The following MOSPD2 variants were observed in gnomAD, a reference collection of about 807,000 sequenced individuals.
MOSPD2 encodes motile sperm domain containing 2, also known as motile sperm domain-containing protein 2.
In MOSPD2, 5 loss-of-function variants were observed where a neutral mutation model predicts 41.7. That is an observed-to-expected ratio of 0.12 (90% CI 0.06 to 0.25). The LOEUF (loss-of-function observed/expected upper bound fraction) is 0.25, where lower values mean the gene tolerates loss of function less well. Among genes scored for constraint, MOSPD2 ranks in the 10% least tolerant of loss-of-function variants. The probability of loss-of-function intolerance (pLI) is 1.00; values close to 1 mark genes in which losing one functional copy is unlikely to be tolerated. For missense variants in MOSPD2, 282 were observed against 375.2 expected (o/e 0.75, Z 2.05); for synonymous variants, 115 against 126.9 (o/e 0.91, Z 0.63).
chrX:14,916,263 C>T lies in MOSPD2; in HGVS notation c.1253C>T (p.Thr418Ile), dbSNP rs142203054. The T allele has an allele frequency of 4.1e-5, 50 of 1,210,450 alleles. No individual in the cohort carries two copies. The highest frequency in any genetic ancestry group is 5.0e-5 in the Non-Finnish European group (45 of 895,257). Residue 418 changes from threonine (T) to isoleucine (I), a missense_variant, in exon 13 of 15, where the codon ACA becomes ATA. Transcript: ENST00000380492. ...MAAEMEQSSG[T>I]GPAELTQFWK... Reference sequence around the variant, plus strand: ...GCAGAAATGGAACAGTCATCTGGCACAGGCCCAGCAGAATTAACTCAGTTT... The same window carrying T: ...GCAGAAATGGAACAGTCATCTGGCATAGGCCCAGCAGAATTAACTCAGTTT...
At chrX:14,898,448 T>A (rs1397039974) in intron 5 of MOSPD2, among the ~76,000 whole-genome samples, 1 of 111,761 alleles carries the variant, frequency 8.9e-6, no homozygotes, top group Non-Finnish European at 1.9e-5. Context: ...AGAGCTTTCT[T>A]GCAGTGGTAG....
At chrX:14,879,989 T>C (rs954670923) in intron 2 of MOSPD2, among the ~76,000 whole-genome samples, 1 of 110,394 alleles carries the variant, frequency 9.1e-6, no homozygotes, top group Non-Finnish European at 1.9e-5. Context: ...TTCTTGGCCC[T>C]TATTTCTTCC....
At chrX:14,878,112 G>C (rs2092524650) in intron 2 of MOSPD2, among the ~76,000 whole-genome samples, 1 of 112,325 alleles carries the variant, frequency 8.9e-6, no homozygotes, top group Non-Finnish European at 1.9e-5. Flanking sequence ...ATAAATAAAA[G>C]ATAGTTTTCT....
At chrX:14,873,975 A>G (rs2092513710) in intron 2 of MOSPD2, 4 of 415,299 alleles carry the variant, frequency 9.6e-6, no homozygotes, top group Admixed American at 4.2e-5. Context: ...TTAAAGGGTT[A>G]ATGTAAGTTG....
At chrX:14,885,428 C>T (rs1269499782) in intron 2 of MOSPD2, 2 of 112,038 alleles carry the variant, frequency 1.8e-5, no homozygotes, top group Non-Finnish European at 3.8e-5. Context: ...TTAAAGAGGA[C>T]ATCACATTGG....
chrX:14,875,661 G>T (rs749573490), intron 2 of MOSPD2, among the ~76,000 whole-genome samples: 1 of 111,797 alleles, frequency 8.9e-6, no homozygotes, highest in African/African-American at 3.3e-5. Flanking sequence ...TAGCCACACT[G>T]CCTTGTGTTC....
chrX:14,896,494 G>A (rs1455890187), intron 4 of MOSPD2, among the ~76,000 whole-genome samples: 1 of 111,558 alleles, frequency 9.0e-6, no homozygotes, highest in Non-Finnish European at 1.9e-5. Context: ...TTCCTTCTCT[G>A]CCTCCTCCAG....
chrX:14,881,284 G>T, intron 2 of MOSPD2, among the ~76,000 whole-genome samples: 1 of 104,728 alleles, frequency 9.5e-6, no homozygotes, highest in Non-Finnish European at 2.0e-5. Flanking sequence ...CCTTCATTTT[G>T]TTAGGCTGAA....
chrX:14,922,271 TTAATA>T lies in MOSPD2; in HGVS notation c.*2464_*2468del, dbSNP rs1304722957. On this transcript the variant is annotated 3_prime_UTR_variant, in exon 15 of 15. Transcript: ENST00000380492. ...TGATTAAAAGAACATGTTTTCTATT[TTAATA>T]TGTTTTAGAAAAATAATTACATTTA... 8.9e-6 allele frequency: 1 copy of T among 111,938 alleles called. No individual in the cohort carries two copies. The highest frequency in any genetic ancestry group is 1.9e-5 in the Non-Finnish European group (1 of 53,260). 9.2% of individuals were successfully genotyped at this position (111,938 alleles called of 1,213,427 possible).
intron 2 of MOSPD2, among the ~76,000 whole-genome samples, chrX:14,877,372 C>T (rs889859385): frequency 1.8e-5 from 2 of 110,251 alleles, no homozygotes; most frequent in Admixed American, 9.6e-5. Context: ...GACGGAGTTT[C>T]GCTCTTGTTG....
intron 2 of MOSPD2, among the ~76,000 whole-genome samples, chrX:14,887,548 A>C (rs1487633830): frequency 1.8e-5 from 2 of 111,753 alleles, no homozygotes; most frequent in African/African-American, 6.5e-5. Flanking sequence ...GAATGTGGCC[A>C]GAAATTTTCT....
At chrX:14,890,788 C>G (rs778204286) in intron 2 of MOSPD2, among the ~76,000 whole-genome samples, 147 of 111,507 alleles carry the variant, frequency 1.3e-3, no homozygotes, top group African/African-American at 4.7e-3. Flanking sequence ...CTCTGAGGAC[C>G]TGAAATAAGG....
intron 3 of MOSPD2, among the ~76,000 whole-genome samples, chrX:14,894,662 G>A (rs1203654813): frequency 9.1e-6 from 1 of 109,931 alleles, no homozygotes; most frequent in Non-Finnish European, 1.9e-5. Context: ...TCACTGTGTT[G>A]CCCAGGCTGG....
rs2092601744 is a variant in MOSPD2, at chrX:14,917,165, C to T, written c.1316+839C>T. Among the ~76,000 whole-genome samples the T allele has an allele frequency of 5.4e-5, 6 of 111,754 alleles. No individual in the cohort carries two copies. In the South Asian group the frequency reaches 1.9e-3, roughly 35 times the overall value. ...CCATCCCCCAAAAATGATCTGGCCCCAAATGCCCATAGTGTCGAGGTGGAG... is the reference window on the plus strand; with the variant it reads ...CCATCCCCCAAAAATGATCTGGCCCTAAATGCCCATAGTGTCGAGGTGGAG... On this transcript the variant is annotated intron_variant, in intron 13 of 14. Transcript: ENST00000380492.
rs1288703409 is a variant in MOSPD2 at position 14,873,720 on chromosome X, C to G, written c.41C>G (p.Ser14Cys). The G allele has an allele frequency of 8.3e-7, 1 of 1,209,483 alleles. No homozygotes were observed. Among genetic ancestry groups the G allele is most frequent in the Non-Finnish European group, 1.1e-6 (1 of 894,702 alleles). The change falls in exon 2 of 15, where the codon TCT (serine) becomes TGT (cysteine). Residue 14 changes from serine to cysteine, a missense_variant. Around this residue, in one of 3 missense-constraint regions of MOSPD2, gnomAD observed 187 missense variants for 256.6 expected, o/e 0.73. Transcript: ENST00000380492. ...NHAQNKAKLI[S>C]ETRRRFEAEY... is the part of the protein sequence containing the mutation. Reference sequence around the variant, plus strand: ...GCCCAGAATAAAGCCAAGCTCATCTCTGAGACCCGGAGGAGGTTCGAAGCT... The same window carrying G: ...GCCCAGAATAAAGCCAAGCTCATCTGTGAGACCCGGAGGAGGTTCGAAGCT...
Position 14,920,479 on chromosome X carries a change from T to G in MOSPD2, c.*670T>G. Reference sequence around the variant, plus strand: ...ATGAACACTCTCATTTCAGTAGAATTTGGAAAACTAAGCGTGGTTGGAATT... The same window carrying G: ...ATGAACACTCTCATTTCAGTAGAATGTGGAAAACTAAGCGTGGTTGGAATT... On this transcript the variant is annotated 3_prime_UTR_variant, in exon 15 of 15. Coordinates refer to ENST00000380492, the MANE Select transcript of MOSPD2 (RefSeq NM_152581.4). 1.3e-6 allele frequency: 1 copy of G among 753,507 alleles called. No homozygotes were observed. The highest frequency in any genetic ancestry group is 1.6e-6 in the Non-Finnish European group (1 of 639,197). The allele number at this position is 753,507 out of a possible 1,213,427, so 62.1% of individuals were successfully genotyped here.
At chrX:14,887,729 TGTG>T (rs748931420) in intron 2 of MOSPD2, among the ~76,000 whole-genome samples, 100 of 111,489 alleles carry the variant, frequency 9.0e-4, no homozygotes, top group African/African-American at 3.0e-3. Flanking sequence ...TTTAAAAAAT[TGTG>T]TGTGAGAGAG....
chrX:14,891,658 C>G (rs2092554173), intron 2 of MOSPD2, among the ~76,000 whole-genome samples: 1 of 108,615 alleles, frequency 9.2e-6, no homozygotes, highest in Non-Finnish European at 1.9e-5. Context: ...ACCTCCACCT[C>G]CCGGGTTCAA....
intron 2 of MOSPD2, among the ~76,000 whole-genome samples, chrX:14,877,953 G>A (rs2092524330): frequency 9.3e-6 from 1 of 107,379 alleles, no homozygotes; most frequent in Admixed American, 9.8e-5. Flanking sequence ...ACTCCAGCCT[G>A]GGCGACAGAG....
Sources: gnomAD v4.1 joint callset for allele counts (sites outside exome capture counted in the v4.1 genomes callset) on GRCh38, gnomAD v4.1.1 for gene constraint, gnomAD v4.1.1 regional missense constraint, MANE v1.5 for transcripts, NCBI Gene and HGNC (gene_info 2026-07-23, HGNC 2026-07-21) for gene names.